Variants in TSC1 observed in about 807,000 individuals in gnomAD.
TSC1 encodes TSC complex subunit 1.
In TSC1, 20 loss-of-function variants were observed where a neutral mutation model predicts 124.3. The observed-to-expected ratio is 0.16, with a 90% CI of 0.11 to 0.23. TSC1 has a LOEUF of 0.23. TSC1 is among the 10% of genes least tolerant of loss of function. The pLI, the probability that TSC1 is intolerant of heterozygous loss-of-function variation, is 1.00. For missense variants in TSC1, 1,124 were observed against 1,448.5 expected (o/e 0.78, Z 3.64); for synonymous variants, 493 against 539.1 (o/e 0.91, Z 1.19).
chr9:132,892,506 C>A lies in TSC1; in HGVS notation c.*3729G>T, dbSNP rs543396172. 449 of 233,350 alleles carry A rather than the reference C, an allele frequency of 1.9e-3. 3 individuals carry two copies. The highest frequency in any genetic ancestry group is 9.2e-3 in the African/African-American group (420 of 45,456). The allele number at this position is 233,350 out of a possible 1,614,324, so 14.5% of individuals were successfully genotyped here. A position where few individuals can be genotyped will look rare whatever the true frequency, so the allele number is the denominator to read the frequency against. On this transcript the variant is annotated 3_prime_UTR_variant, in exon 23 of 23. Transcript: ENST00000298552. ...GCTTCCTTCTCCAGGTGGGGCAGAGCCCCCTGGGGGAACAACTCTCCAAGA... is the reference window on the plus strand; with the variant it reads ...GCTTCCTTCTCCAGGTGGGGCAGAGACCCCTGGGGGAACAACTCTCCAAGA...
Position 132,902,566 on chromosome 9 carries a change from A to G in TSC1, c.2391+39T>C. The G allele has an allele frequency of 6.2e-7, 1 of 1,612,482 alleles. No individual in the cohort carries two copies. Among genetic ancestry groups the G allele is most frequent in the South Asian group, 1.1e-5 (1 of 91,000 alleles). On this transcript the variant is annotated intron_variant, in intron 18 of 22. Coordinates refer to ENST00000298552, the MANE Select transcript of TSC1 (RefSeq NM_000368.5). This position sits in a 1 kb window ranked among gnomAD's most constrained non-coding sequence, Gnocchi z 5.2. ...GCCTCCCTCCCCACTGCTCTCCGGC[A>G]TTCTCGCAGTTGGCTTTGCCTGGTG...
intron 11 of TSC1, 34 bp downstream of exon 11, chr9:132,910,968 C>G (rs2131954981): frequency 5.0e-6 from 8 of 1,597,252 alleles, no homozygotes; most frequent in Non-Finnish European, 6.9e-6. Flanking sequence ...CAGGCCAAAA[C>G]CAACTAATCA....
intron 8 of TSC1, among the ~76,000 whole-genome samples, chr9:132,920,831 T>C (rs1846512160): frequency 2.0e-5 from 3 of 151,998 alleles, no homozygotes; most frequent in South Asian, 4.1e-4. Flanking sequence ...CTCTCCACTG[T>C]GCCTGGAATC....
chr9:132,929,038 C>T (rs532909694), intron 2 of TSC1, 86 bp from the exon 3 acceptor site: 8 of 1,208,128 alleles, frequency 6.6e-6, no homozygotes, highest in East Asian at 2.6e-5. Context: ...AACTAATGCA[C>T]GTGTTCAATG....
chr9:132,917,798 T>C (rs532114005), intron 8 of TSC1, among the ~76,000 whole-genome samples: 2 of 152,382 alleles, frequency 1.3e-5, no homozygotes, highest in South Asian at 4.1e-4. Flanking sequence ...ATGTTTATTT[T>C]GGCTATCATT....
intron 10 of TSC1, 54 bp downstream of exon 10, chr9:132,911,399 G>T: frequency 1.4e-6 from 2 of 1,379,726 alleles, no homozygotes; most frequent in Non-Finnish European, 1.0e-6. Flanking sequence ...GACCCAAAGG[G>T]TCAGCTTCAC....
chr9:132,936,306 G>A (rs1847455326), intron 1 of TSC1, among the ~76,000 whole-genome samples: 1 of 151,982 alleles, frequency 6.6e-6, no homozygotes, highest in Admixed American at 6.6e-5. Context: ...TTTTAAAGAT[G>A]GGGTCTCACT....
intron 2 of TSC1, among the ~76,000 whole-genome samples, chr9:132,931,750 G>T (rs1490226997): frequency 6.6e-6 from 1 of 152,146 alleles, no homozygotes; most frequent in Non-Finnish European, 1.5e-5. Context: ...GTAAGTGCAA[G>T]GTGTTAAGCA....
intron 8 of TSC1, among the ~76,000 whole-genome samples, chr9:132,914,734 T>C (rs936977911): frequency 2.0e-5 from 3 of 146,626 alleles, no homozygotes; most frequent in African/African-American, 7.6e-5. Context: ...CCAGGCATGG[T>C]GGCATGCACC....
rs773718491 is a variant in TSC1, at chr9:132,897,409, C to T, written c.2813+14G>A. On this transcript the variant is annotated intron_variant, in intron 21 of 22. Coordinates refer to ENST00000298552, the MANE Select transcript of TSC1 (RefSeq NM_000368.5). ...CTTAATAAAAACACAAAAGCCTTTC[C>T]TGATGAAAGTTACCTTGCCTGGAGT... The T allele has an allele frequency of 1.4e-5, 22 of 1,614,020 alleles. No homozygotes were observed. The highest frequency in any genetic ancestry group is 1.7e-5 in the Non-Finnish European group (20 of 1,180,044).
chr9:132,916,879 C>G (rs1001654421), intron 8 of TSC1, among the ~76,000 whole-genome samples: 4 of 152,162 alleles, frequency 2.6e-5, no homozygotes, highest in Non-Finnish European at 4.4e-5. Flanking sequence ...CGGTCATGAT[C>G]AGGCCCCAGT....
In TSC1 at chr9:132,928,887, G is replaced by A; in HGVS notation, c.-15C>T. ...TGTTGGGCCATTCTCTCGCTCGAAG[G>A]CGCTGTGCTGGCTCCAGGACGTGTG... On this transcript the variant is annotated 5_prime_UTR_variant, in exon 3 of 23. Coordinates refer to ENST00000298552, the MANE Select transcript of TSC1 (RefSeq NM_000368.5). 1.9e-6 allele frequency: 3 copies of A among 1,613,920 alleles called. No homozygotes were observed. The highest frequency in any genetic ancestry group is 2.5e-6 in the Non-Finnish European group (3 of 1,179,986).
intron 5 of TSC1, 92 bp downstream of exon 5, chr9:132,925,495 G>C (rs2132226019): frequency 6.5e-7 from 1 of 1,527,274 alleles, no homozygotes; most frequent in Non-Finnish European, 9.0e-7. Flanking sequence ...AACTCTAAAA[G>C]TTAAAATCTA....
intron 3 of TSC1, among the ~76,000 whole-genome samples, chr9:132,927,566 A>G (rs1422564301): frequency 4.3e-5 from 5 of 116,824 alleles, no homozygotes; most frequent in Non-Finnish European, 8.1e-5. Flanking sequence ...CTCTGTTGCC[A>G]GGCTGGAGTG....
rs1846527539 is a variant in TSC1, at chr9:132,921,143, G to T, written c.737+220C>A. 6.6e-6 allele frequency among the ~76,000 whole-genome samples: 1 copy of T among 152,048 alleles called. No homozygotes were observed. Among genetic ancestry groups the T allele is most frequent in the Non-Finnish European group, 1.5e-5 (1 of 68,018 alleles). On this transcript the variant is annotated intron_variant, in intron 8 of 22. Transcript: ENST00000298552. This position sits in a 1 kb window ranked among gnomAD's most constrained non-coding sequence, Gnocchi z 4.3. ...GCCTTTCTGGGGGACAGGCACTTGTGCTGCAACTTTCTCCACTCTGCTAAA... is the reference window on the plus strand; with the variant it reads ...GCCTTTCTGGGGGACAGGCACTTGTTCTGCAACTTTCTCCACTCTGCTAAA...
chr9:132,895,837 C>T lies in TSC1; in HGVS notation c.*398G>A. 2 of 327,598 alleles carry T rather than the reference C, an allele frequency of 6.1e-6. No individual in the cohort carries two copies. Among genetic ancestry groups the T allele is most frequent in the Admixed American group, 9.0e-5 (2 of 22,230 alleles). 20.3% of individuals were successfully genotyped at this position (327,598 alleles called of 1,614,324 possible). Reference sequence around the variant, plus strand: ...ACAAACTACCTGGTCTAATTGAGAGCCAACCCAGTTATCTGAACTTCGGGA... The same window carrying T: ...ACAAACTACCTGGTCTAATTGAGAGTCAACCCAGTTATCTGAACTTCGGGA... On this transcript the variant is annotated 3_prime_UTR_variant, in exon 23 of 23. Transcript: ENST00000298552.
intron 12 of TSC1, 92 bp from the exon 13 acceptor site, chr9:132,907,462 G>T: frequency 1.0e-6 from 1 of 990,650 alleles, no homozygotes. Flanking sequence ...TCAGCCGAGT[G>T]CAGTGATTCT....
In TSC1 at chr9:132,927,280, G is replaced by T; in HGVS notation, c.131C>A (p.Thr44Asn). ...GGTTTCCAGGTAATAATCCACCAAG[G>T]TGTTTACAAGCATAGGGCCACGGTC... ...NSDRGPMLVN[T>N]LVDYYLETSS... The change falls in exon 4 of 23, where the codon ACC (threonine) becomes AAC (asparagine). Residue 44 changes from threonine (T) to asparagine (N), a missense_variant. Physicochemically the swap from Thr to Asn is moderately conservative, Grantham distance 65. Transcript: ENST00000298552. 3.7e-6 allele frequency: 6 copies of T among 1,613,944 alleles called. No individual in the cohort carries two copies. Among genetic ancestry groups the T allele is most frequent in the Non-Finnish European group, 5.1e-6 (6 of 1,179,922 alleles).
At position 132,905,796 on chromosome 9, in the gene TSC1, C is replaced by T. The variant is rs1588309238; in HGVS notation, c.1782G>A (p.Val594=). The change falls in exon 15 of 23, where the codon GTG becomes GTA. Residue 594 remains valine, a synonymous_variant. Transcript: ENST00000298552. ...GGGGAGGCTGCCCGCTTCCAAAGCC[C>T]ACTCTCGTCGGAGGTGGAATTTTAC... ...SPCKIPPPTR[V]GFGSGQPPPY... The T allele has an allele frequency of 2.5e-6, 4 of 1,614,204 alleles. No individual in the cohort carries two copies. The highest frequency in any genetic ancestry group is 3.4e-6 in the Non-Finnish European group (4 of 1,180,038).
Sources: gnomAD v4.1 joint callset for allele counts (sites outside exome capture counted in the v4.1 genomes callset) on GRCh38, gnomAD v4.1.1 for gene constraint, Gnocchi (gnomAD v3.1) non-coding constraint, MANE v1.5 for transcripts, NCBI Gene and HGNC (gene_info 2026-07-23, HGNC 2026-07-21) for gene names.